The following ZNF148 variants were observed in gnomAD, a reference collection of about 807,000 sequenced individuals.
ZNF148 encodes Beta-Enolase Repressor Factor-1.
ZNF148 carries 7 observed loss-of-function variants against 67.7 expected under a neutral mutation model. That is an observed-to-expected ratio of 0.10 (90% confidence interval 0.06 to 0.19). ZNF148 has a LOEUF of 0.19. ZNF148 is among the 10% of genes least tolerant of loss of function. ZNF148 has a pLI of 1.00. For missense variants in ZNF148, 583 were observed against 947.1 expected, an observed-to-expected ratio of 0.62 and a Z score of 5.05; for synonymous variants, 333 against 330.7, an observed-to-expected ratio of 1.01 and a Z score of -0.08.
intron 2 of ZNF148, among the ~76,000 whole-genome samples, chr3:125,327,348 T>G (rs1467315309): frequency 2.0e-5 from 3 of 152,176 alleles, no homozygotes; most frequent in African/African-American, 7.2e-5. Context: ...GACAGAAAAT[T>G]AGCAAAGACA....
At chr3:125,330,235 C>T (rs564833577) in intron 2 of ZNF148, among the ~76,000 whole-genome samples, 3 of 152,166 alleles carry the variant, frequency 2.0e-5, no homozygotes, top group Admixed American at 6.5e-5. Context: ...GAGGCCAAGG[C>T]GGATGGATTG....
chr3:125,239,477 T>C lies in ZNF148; in HGVS notation c.668-5148A>G, dbSNP rs149797469. 1.8e-4 allele frequency among the ~76,000 whole-genome samples: 28 copies of C among 152,288 alleles called. No individual in the cohort carries two copies. In the East Asian group the frequency reaches 5.2e-3, roughly 28 times the overall value. ...ATAAATCAAAACCACAAGATTTCACTTGATTTCACCACTTCACACCCACGA... is the reference window on the plus strand; with the variant it reads ...ATAAATCAAAACCACAAGATTTCACCTGATTTCACCACTTCACACCCACGA... On this transcript the variant is annotated intron_variant, in intron 7 of 8. Coordinates refer to ENST00000360647, the MANE Select transcript of ZNF148 (RefSeq NM_021964.3).
intron 5 of ZNF148, 52 bp downstream of exon 5, chr3:125,288,051 C>T: frequency 5.0e-6 from 8 of 1,611,138 alleles, no homozygotes; most frequent in Non-Finnish European, 6.8e-6. Flanking sequence ...ATAGAATTAA[C>T]CAACAGTTGG....
intron 1 of ZNF148, among the ~76,000 whole-genome samples, chr3:125,354,626 TCA>T (rs1279475924): frequency 1.3e-5 from 2 of 152,384 alleles, no homozygotes; most frequent in African/African-American, 4.8e-5. Flanking sequence ...TTAGTGATCC[TCA>T]CACAACAGAA....
intron 4 of ZNF148, among the ~76,000 whole-genome samples, chr3:125,297,531 G>A (rs1939348459): frequency 6.7e-6 from 1 of 148,648 alleles, no homozygotes; most frequent in Admixed American, 6.6e-5. Flanking sequence ...TCCAACCAGT[G>A]GATAAAGAAC....
chr3:125,254,992 T>G (rs1344617742), intron 7 of ZNF148, among the ~76,000 whole-genome samples: 1 of 152,156 alleles, frequency 6.6e-6, no homozygotes, highest in Non-Finnish European at 1.5e-5. Flanking sequence ...TTTATAATCC[T>G]TTTAGTGATT....
chr3:125,324,722 AT>A (rs1170666288), intron 2 of ZNF148, among the ~76,000 whole-genome samples: 1 of 152,254 alleles, frequency 6.6e-6, no homozygotes, highest in African/African-American at 2.4e-5. Context: ...AAAAGAATAA[AT>A]AGTCTTTCCC....
chr3:125,288,182 A>G lies in ZNF148; in HGVS notation c.380T>C (p.Leu127Pro). Reference protein sequence around the residue: ...EITFTDVSEQLMRDKKQIREP... With the variant: ...EITFTDVSEQPMRDKKQIREP... ...TCTGATTTGTTTTTTGTCTCTCATC[A>G]GTTGCTCAGATACATCAGTAAAAGT... Residue 127 changes from leucine to proline, a missense_variant, in exon 5 of 9, where the codon CTG becomes CCG. Around this residue, in one of 5 missense-constraint regions of ZNF148, gnomAD observed 150 missense variants for 202.5 expected, o/e 0.74. Coordinates refer to ENST00000360647, the MANE Select transcript of ZNF148 (RefSeq NM_021964.3). The G allele has an allele frequency of 6.2e-7, 1 of 1,613,676 alleles. No individual in the cohort carries two copies. The highest frequency in any genetic ancestry group is 8.5e-7 in the Non-Finnish European group (1 of 1,179,832).
intron 1 of ZNF148, chr3:125,357,918 A>C (rs1579896668): frequency 7.9e-6 from 1 of 126,070 alleles, no homozygotes; most frequent in Non-Finnish European, 1.7e-5. Context: ...TAATTTACTC[A>C]TTTTAGTTTT....
chr3:125,235,884 G>C (rs1180832226), intron 7 of ZNF148, among the ~76,000 whole-genome samples: 4 of 146,964 alleles, frequency 2.7e-5, no homozygotes, highest in African/African-American at 1.0e-4. Flanking sequence ...CTCACTCATA[G>C]GTGGGAATTG....
Position 125,228,739 on chromosome 3 carries a change from C to A in ZNF148, c.*3602G>T, listed in dbSNP as rs2107820407. ...CATAAAGGAAGACTCACATAAAAGT[C>A]CTTGATTGTCAAGACACGTTTATAT... is the stretch of plus-strand genomic sequence containing the variant. On this transcript the variant is annotated 3_prime_UTR_variant, in exon 9 of 9. Transcript: ENST00000360647. The A allele has an allele frequency of 6.6e-6, 1 of 152,592 alleles. No homozygotes were observed. Among genetic ancestry groups the A allele is most frequent in the African/African-American group, 2.4e-5 (1 of 41,538 alleles). The allele number at this position is 152,592 out of a possible 1,614,324, so 9.5% of individuals were successfully genotyped here.
chr3:125,346,517 T>C (rs1008242601), intron 1 of ZNF148, among the ~76,000 whole-genome samples: 3 of 152,194 alleles, frequency 2.0e-5, no homozygotes, highest in Admixed American at 6.5e-5. Context: ...TCTCGAATTG[T>C]AATCCCCACA....
At chr3:125,268,873 T>C (rs1937601365) in intron 7 of ZNF148, among the ~76,000 whole-genome samples, 1 of 152,122 alleles carries the variant, frequency 6.6e-6, no homozygotes, top group South Asian at 2.1e-4. Context: ...AAACTAGAGT[T>C]TCTGCATAGC....
intron 1 of ZNF148, among the ~76,000 whole-genome samples, chr3:125,342,393 C>T (rs935831904): frequency 4.0e-5 from 6 of 149,794 alleles, no homozygotes; most frequent in Non-Finnish European, 8.9e-5. Context: ...AGAGAAACAA[C>T]ACATTACCCA....
At chr3:125,358,693 AAACT>A (rs1459923056) in intron 1 of ZNF148, among the ~76,000 whole-genome samples, 1 of 152,198 alleles carries the variant, frequency 6.6e-6, no homozygotes, top group African/African-American at 2.4e-5. Flanking sequence ...ACTTCCCTTA[AAACT>A]AATTATACAA....
In ZNF148 at chr3:125,232,521, A is replaced by G. The variant is rs1449748130; in HGVS notation, c.2205T>C (p.Ala735=). 6 of 1,613,492 alleles carry G rather than the reference A, an allele frequency of 3.7e-6. No homozygotes were observed. The highest frequency in any genetic ancestry group is 5.1e-6 in the Non-Finnish European group (6 of 1,179,712). ...QMSSFEQPFR[A]PYHGSRAGIA... ...TTCCAGCTCTTGATCCATGATAGGG[A>G]GCACGGAAGGGCTGTTCAAAGGAGC... The change falls in exon 9 of 9, where the codon GCT becomes GCC. Residue 735 remains alanine (A), a synonymous_variant. Transcript: ENST00000360647. This position sits in a 1 kb window ranked among gnomAD's most constrained non-coding sequence, Gnocchi z 4.2.
In ZNF148 at chr3:125,230,663, C is replaced by T. The variant is rs1337165159; in HGVS notation, c.*1678G>A. 4.6e-5 allele frequency: 7 copies of T among 152,338 alleles called. No individual in the cohort carries two copies. Among genetic ancestry groups the T allele is most frequent in the African/African-American group, 7.2e-5 (3 of 41,382 alleles). The allele number at this position is 152,338 out of a possible 1,614,324, so 9.4% of individuals were successfully genotyped here. ...AAGAAAAAATAATTTAAATGGATAA[C>T]ATATTCTATATTGAAACAAAGACTG... On this transcript the variant is annotated 3_prime_UTR_variant, in exon 9 of 9. Coordinates refer to ENST00000360647, the MANE Select transcript of ZNF148 (RefSeq NM_021964.3).
chr3:125,342,309 C>G (rs1941761357), intron 1 of ZNF148, among the ~76,000 whole-genome samples: 1 of 151,278 alleles, frequency 6.6e-6, no homozygotes, highest in East Asian at 1.9e-4. Flanking sequence ...GAAATTCACT[C>G]TAACATCATA....
intron 7 of ZNF148, among the ~76,000 whole-genome samples, chr3:125,259,347 G>C (rs1179360911): frequency 6.6e-6 from 1 of 152,120 alleles, no homozygotes; most frequent in Non-Finnish European, 1.5e-5. Context: ...AAATATAGCA[G>C]TGCCAAGTGC....
Sources: gnomAD v4.1 joint callset for allele counts (sites outside exome capture counted in the v4.1 genomes callset) on GRCh38, gnomAD v4.1.1 for gene constraint, gnomAD v4.1.1 regional missense constraint, Gnocchi (gnomAD v3.1) non-coding constraint, MANE v1.5 for transcripts, NCBI Gene and HGNC (gene_info 2026-07-23, HGNC 2026-07-21) for gene names.